Variants in SNX29 observed in about 807,000 individuals in gnomAD.
SNX29 encodes sorting nexin 29, also known as sorting nexin-29.
Under a neutral mutation model 102.1 loss-of-function variants are expected in SNX29, and 78 were observed. That is an observed-to-expected ratio of 0.76 (90% CI 0.64 to 0.92). The LOEUF is 0.92. SNX29 is among the 40% of genes least tolerant of loss of function. The pLI is 0.00. For synonymous variants in SNX29, 580 were observed against 414.5 expected, an observed-to-expected ratio of 1.40 and a Z score of -4.85; for missense variants, 1,280 against 1,061.7, an observed-to-expected ratio of 1.21 and a Z score of -2.86.
intron 13 of SNX29, among the ~76,000 whole-genome samples, chr16:12,182,933 CAAAAAAA>C (rs575698544): frequency 2.2e-5 from 1 of 46,438 alleles, no homozygotes; most frequent in Non-Finnish European, 4.3e-5. Flanking sequence ...GACTCTGTCT[CAAAAAAA>C]AAAAAAAAAA....
At chr16:12,545,294 C>T (rs1196570217) in intron 20 of SNX29, among the ~76,000 whole-genome samples, 2 of 152,150 alleles carry the variant, frequency 1.3e-5, no homozygotes, top group African/African-American at 4.8e-5. Context: ...ACTTCGCCCT[C>T]TTTACATCTG....
intron 7 of SNX29, among the ~76,000 whole-genome samples, chr16:12,049,334 T>A (rs200169195): frequency 0.023 from 1,278 of 55,764 alleles, 17 homozygotes; most frequent in African/African-American, 0.039. Flanking sequence ...ATTTTTTAAC[T>A]TTTTTTTTTT....
chr16:12,022,091 G>GTT (rs34463878), intron 3 of SNX29, among the ~76,000 whole-genome samples: 2,081 of 131,162 alleles, frequency 0.016, 31 homozygotes, highest in Non-Finnish European at 0.025. Flanking sequence ...CTGGGGGGAA[G>GTT]TTTTTTTTTT....
intron 12 of SNX29, 117 bp from the exon 13 acceptor site, chr16:12,129,513 T>G: frequency 2.3e-6 from 3 of 1,328,134 alleles, no homozygotes. Flanking sequence ...TTATGGTTTA[T>G]GCAGAGCCTT....
rs1264375811 is a variant in SNX29, at chr16:12,425,547, AAAAAAAT to A, written c.2037+22024_2037+22030del. Among the ~76,000 whole-genome samples, 14 of 149,478 alleles carry A rather than the reference AAAAAAAT, an allele frequency of 9.4e-5. 2 individuals carry two copies. The highest frequency in any genetic ancestry group is 1.3e-4 in the Admixed American group (2 of 15,062). On this transcript the variant is annotated intron_variant, in intron 18 of 20. Coordinates refer to ENST00000566228, the MANE Select transcript of SNX29 (RefSeq NM_032167.5). ...CCAGAGTTAAAAAAAAAAAAAAATA[AAAAAAAT>A]AAAAAGAGGGAATAGAAAACAGAGG...
chr16:12,454,743 G>A (rs1311530548), intron 18 of SNX29, among the ~76,000 whole-genome samples: 1 of 151,738 alleles, frequency 6.6e-6, no homozygotes, highest in Non-Finnish European at 1.5e-5. Context: ...TTTTTGAGAT[G>A]GAGTCTCACC....
chr16:12,438,267 A>G (rs1028236700), intron 18 of SNX29, among the ~76,000 whole-genome samples: 1 of 152,122 alleles, frequency 6.6e-6, no homozygotes, highest in Non-Finnish European at 1.5e-5. Context: ...TCCCAGCCCC[A>G]CCTGGTTTCT....
At chr16:12,409,975 AGC>A (rs1226834671) in intron 18 of SNX29, among the ~76,000 whole-genome samples, 1 of 151,950 alleles carries the variant, frequency 6.6e-6, no homozygotes. Context: ...GTTTCAGCAA[AGC>A]GTTTTTTTTG....
Position 12,569,092 on chromosome 16 carries a change from C to T in SNX29, c.*463C>T, listed in dbSNP as rs548362780. 4.8e-5 allele frequency: 8 copies of T among 166,122 alleles called. No homozygotes were observed. Among genetic ancestry groups the T allele is most frequent in the African/African-American group, 2.5e-4 (8 of 32,130 alleles). The allele number at this position is 166,122 out of a possible 1,614,324, so 10.3% of individuals were successfully genotyped here. A position where few individuals can be genotyped will look rare whatever the true frequency, so the allele number is the denominator to read the frequency against. On this transcript the variant is annotated 3_prime_UTR_variant, in exon 21 of 21. Transcript: ENST00000566228. The stretch of plus-strand genomic sequence containing the variant: ...CTCCTTTTGCTTTTTAAGGTTATTA[C>T]CTGGCCTAACCTAGGGATGGCTGGC...
intron 18 of SNX29, among the ~76,000 whole-genome samples, chr16:12,450,502 A>T (rs1278967487): frequency 6.6e-6 from 1 of 152,234 alleles, no homozygotes. Flanking sequence ...TGATGTGCCC[A>T]TTCCTGAACC....
At chr16:12,549,486 C>G (rs934224150) in intron 20 of SNX29, among the ~76,000 whole-genome samples, 7 of 132,090 alleles carry the variant, frequency 5.3e-5, no homozygotes, top group African/African-American at 1.9e-4. Context: ...CAGGAAGATC[C>G]TCACACATAC....
rs76318072 is a variant in SNX29 at position 12,560,561 on chromosome 16, G to A, written c.2319-7945G>A. Among the ~76,000 whole-genome samples the A allele has an allele frequency of 8.6e-3, 1,314 of 152,264 alleles. 13 individuals are homozygous for A. The highest frequency in any genetic ancestry group is 0.012 in the Admixed American group (186 of 15,296). Reference sequence around the variant, plus strand: ...ATTTCTGGTTGAAACGTTGCTCAGTGTGATTCCTTGGGGTCTGTCCATCTG... The same window carrying A: ...ATTTCTGGTTGAAACGTTGCTCAGTATGATTCCTTGGGGTCTGTCCATCTG... On this transcript the variant is annotated intron_variant, in intron 20 of 20. Transcript: ENST00000566228.
chr16:12,259,570 G>T (rs1165997033), intron 14 of SNX29, among the ~76,000 whole-genome samples: 1 of 152,188 alleles, frequency 6.6e-6, no homozygotes, highest in East Asian at 1.9e-4. Context: ...CCAGGGTCAC[G>T]TGTGGCTTTA....
chr16:12,310,401 T>C (rs1323661283), intron 15 of SNX29, among the ~76,000 whole-genome samples: 1 of 151,796 alleles, frequency 6.6e-6, no homozygotes. Flanking sequence ...GTTAGCCAAC[T>C]AGAAAAGGCC....
intron 14 of SNX29, among the ~76,000 whole-genome samples, chr16:12,266,584 T>G (rs539063945): frequency 6.6e-6 from 1 of 150,916 alleles, no homozygotes; most frequent in South Asian, 2.1e-4. Context: ...TATTTGCTAT[T>G]ATGAATTATA....
chr16:12,103,970 C>T (rs1193113417), intron 11 of SNX29, among the ~76,000 whole-genome samples: 3 of 152,158 alleles, frequency 2.0e-5, no homozygotes, highest in Non-Finnish European at 4.4e-5. Context: ...TAGAACCTTT[C>T]TAGAATTCGC....
At chr16:12,498,678 T>A (rs1373083387) in intron 19 of SNX29, among the ~76,000 whole-genome samples, 1 of 152,234 alleles carries the variant, frequency 6.6e-6, no homozygotes, top group Non-Finnish European at 1.5e-5. Flanking sequence ...ATGTAGGTAG[T>A]CTCTAGTAAT....
At chr16:12,085,350 G>A (rs759420775) in intron 11 of SNX29, among the ~76,000 whole-genome samples, 4 of 152,124 alleles carry the variant, frequency 2.6e-5, no homozygotes, top group African/African-American at 7.2e-5. Context: ...CCTTTTGGAC[G>A]GCGTCTCGCT....
intron 20 of SNX29, 90 bp downstream of exon 20, chr16:12,524,931 C>T (rs1158523857): frequency 1.3e-6 from 2 of 1,527,576 alleles, no homozygotes; most frequent in Admixed American, 3.9e-5. Context: ...CAGCGGCTCT[C>T]CGTGATGCCC....
Sources: allele counts gnomAD v4.1 joint callset (sites outside exome capture counted in the v4.1 genomes callset), GRCh38; gene constraint gnomAD v4.1.1; transcripts MANE v1.5; gene names NCBI Gene and HGNC (gene_info 2026-07-23, HGNC 2026-07-21).